Variants in KDM4A observed in about 807,000 individuals in gnomAD.
KDM4A encodes lysine demethylase 4A, also known as lysine-specific demethylase 4A.
A neutral mutation model predicts 127.1 loss-of-function variants in KDM4A; 23 were observed. The observed-to-expected ratio is 0.18, with a 90% CI of 0.13 to 0.26. The LOEUF is 0.26. KDM4A is among the 10% of genes least tolerant of loss of function. The probability of loss-of-function intolerance (pLI) is 1.00; values close to 1 mark genes in which losing one functional copy is unlikely to be tolerated. For missense variants in KDM4A, 890 were observed against 1,329.1 expected (o/e 0.67, Z 5.14); for synonymous variants, 443 against 466.5 (o/e 0.95, Z 0.65).
intron 3 of KDM4A, among the ~76,000 whole-genome samples, chr1:43,657,705 A>G (rs1423222780): frequency 6.6e-6 from 1 of 151,058 alleles, no homozygotes; most frequent in Non-Finnish European, 1.5e-5. Context: ...CAGGGGCTTC[A>G]GTCTCCTCAG....
At chr1:43,655,492 A>T in intron 2 of KDM4A, 99 bp from the exon 3 acceptor site, 1 of 1,033,864 alleles carries the variant, frequency 9.7e-7, no homozygotes, top group Non-Finnish European at 1.4e-6. Context: ...CTGTCTAGTA[A>T]AATTGACTGT....
rs1570806794 is a variant in KDM4A at position 43,653,514 on chromosome 1, G to T, written c.138+201G>T. ...TTTTAGGTAGGAAGAGAGCTACTTGGAATCTTCAGAAAGGGGGAGGTAAAG... is the reference window on the plus strand; with the variant it reads ...TTTTAGGTAGGAAGAGAGCTACTTGTAATCTTCAGAAAGGGGGAGGTAAAG... On this transcript the variant is annotated intron_variant, in intron 2 of 21. Transcript: ENST00000372396. The T allele has an allele frequency of 2.6e-5, 11 of 419,876 alleles. No individual in the cohort carries two copies. The East Asian group carries it at 4.5e-4, about 17-fold the overall frequency. 26.0% of individuals were successfully genotyped at this position (419,876 alleles called of 1,614,324 possible). A position where few individuals can be genotyped will look rare whatever the true frequency, so the allele number is the denominator to read the frequency against.
intron 14 of KDM4A, among the ~76,000 whole-genome samples, 177 bp from the exon 15 acceptor site, chr1:43,691,319 T>A (rs372360553): frequency 2.6e-5 from 4 of 152,350 alleles, no homozygotes; most frequent in African/African-American, 9.6e-5. Context: ...TTTTGACTTT[T>A]TGAGACTTTG....
Position 43,704,387 on chromosome 1 carries a change from AG to A in KDM4A, c.*20del. 2 of 1,608,864 alleles carry A rather than the reference AG, an allele frequency of 1.2e-6. No homozygotes were observed. Among genetic ancestry groups the A allele is most frequent in the Middle Eastern group, 1.7e-4 (1 of 6,022 alleles). ...ATGGAGTAGGTGCTTCCAGGGTCCA[AG>A]GGATTCTCAGCCATCCAGGCAAGAG... On this transcript the variant is annotated 3_prime_UTR_variant, in exon 22 of 22. Coordinates refer to ENST00000372396, the MANE Select transcript of KDM4A (RefSeq NM_014663.3).
chr1:43,661,507 G>A (rs953121907), intron 4 of KDM4A, among the ~76,000 whole-genome samples: 1 of 148,512 alleles, frequency 6.7e-6, no homozygotes, highest in African/African-American at 2.5e-5. Flanking sequence ...TCTGGAGGCT[G>A]AGGCAGGAGA....
intron 11 of KDM4A, among the ~76,000 whole-genome samples, chr1:43,676,529 C>T (rs1660745955): frequency 6.6e-6 from 1 of 152,036 alleles, no homozygotes; most frequent in Non-Finnish European, 1.5e-5. Flanking sequence ...CCATCTTGGC[C>T]AGGCTGGTCT....
intron 13 of KDM4A, 171 bp from the exon 14 acceptor site, chr1:43,690,674 G>C: frequency 1.5e-6 from 1 of 681,464 alleles, no homozygotes; most frequent in Non-Finnish European, 2.6e-6. Context: ...AACTGAATTT[G>C]AGTCATTACA....
Position 43,653,199 on chromosome 1 carries a change from G to A in KDM4A, c.24G>A (p.Leu8=). MASESET[L]NPSARIMTFY... ...AAATGGCTTCTGAGTCTGAAACTCTGAATCCCAGTGCTAGGATAATGACCT... is the reference window on the plus strand; with the variant it reads ...AAATGGCTTCTGAGTCTGAAACTCTAAATCCCAGTGCTAGGATAATGACCT... The change falls in exon 2 of 22, where the codon CTG becomes CTA. Residue 8 remains leucine, a synonymous_variant. Coordinates refer to ENST00000372396, the MANE Select transcript of KDM4A (RefSeq NM_014663.3). 4 of 1,612,562 alleles carry A rather than the reference G, an allele frequency of 2.5e-6. No homozygotes were observed. Among genetic ancestry groups the A allele is most frequent in the Non-Finnish European group, 3.4e-6 (4 of 1,179,226 alleles).
At chr1:43,665,647 T>C in intron 5 of KDM4A, 49 bp from the exon 6 acceptor site, 1 of 1,588,416 alleles carries the variant, frequency 6.3e-7, no homozygotes, top group Non-Finnish European at 8.6e-7. Flanking sequence ...GTCCCTTAGC[T>C]TCTGTACCTG....
intron 11 of KDM4A, 62 bp from the exon 12 acceptor site, chr1:43,683,622 G>A (rs1660906527): frequency 6.4e-7 from 1 of 1,559,004 alleles, no homozygotes; most frequent in Admixed American, 1.9e-5. Flanking sequence ...TCATTGTAAG[G>A]GTGACTTGTG....
chr1:43,704,382 G>T lies in KDM4A; in HGVS notation c.*12G>T, dbSNP rs376641133. 84 of 1,609,508 alleles carry T rather than the reference G, an allele frequency of 5.2e-5. No individual in the cohort carries two copies. In the African/African-American group the frequency reaches 9.9e-4, roughly 19 times the overall value. ...CCATCATGGAGTAGGTGCTTCCAGG[G>T]TCCAAGGGATTCTCAGCCATCCAGG... On this transcript the variant is annotated 3_prime_UTR_variant, in exon 22 of 22. Coordinates refer to ENST00000372396, the MANE Select transcript of KDM4A (RefSeq NM_014663.3).
chr1:43,667,240 G>A, intron 8 of KDM4A, 149 bp downstream of exon 8: 1 of 875,128 alleles, frequency 1.1e-6, no homozygotes, highest in Non-Finnish European at 1.7e-6. Flanking sequence ...AACATTTTGT[G>A]TTCATAAGGA....
Position 43,690,567 on chromosome 1 carries a change from C to T in KDM4A, c.2038-278C>T. ...CTGGCCTCTCAGTGCATTTTATTAA[C>T]CACTTTCTTTGGGAAGATTGAAATC... On this transcript the variant is annotated intron_variant, in intron 13 of 21. Transcript: ENST00000372396. 8.2e-6 allele frequency: 4 copies of T among 489,990 alleles called. No homozygotes were observed. In the Middle Eastern group the frequency reaches 1.8e-3, roughly 216 times the overall value. The allele number at this position is 489,990 out of a possible 1,614,324, so 30.4% of individuals were successfully genotyped here.
At chr1:43,700,325 T>C (rs1661356722) in intron 19 of KDM4A, among the ~76,000 whole-genome samples, 1 of 151,292 alleles carries the variant, frequency 6.6e-6, no homozygotes, top group South Asian at 2.1e-4. Flanking sequence ...GATGGAGTTT[T>C]GCCTTGTTGC....
Position 43,704,265 on chromosome 1 carries a change from C to T in KDM4A, c.3090C>T (p.Phe1030=). ...CAGACATGCGCTTCAATGAGATTTTCACAGAGAAAGAGGTTAAGCAAGAAA... is the reference window on the plus strand; with the variant it reads ...CAGACATGCGCTTCAATGAGATTTTTACAGAGAAAGAGGTTAAGCAAGAAA... ...VASDMRFNEI[F]TEKEVKQEKK... is the part of the protein sequence containing the mutation. The change falls in exon 22 of 22, where the codon TTC becomes TTT. Residue 1030 remains phenylalanine, a synonymous_variant. Transcript: ENST00000372396. The T allele has an allele frequency of 1.2e-6, 2 of 1,614,108 alleles. No individual in the cohort carries two copies. Among genetic ancestry groups the T allele is most frequent in the Non-Finnish European group, 1.7e-6 (2 of 1,180,040 alleles).
At position 43,692,292 on chromosome 1, in the gene KDM4A, C is replaced by G; in HGVS notation, c.2356C>G (p.Gln786Glu). The change falls in exon 16 of 22, where the codon CAG (glutamine) becomes GAG (glutamate). Residue 786 changes from glutamine to glutamate, a missense_variant. Physicochemically the swap from Gln to Glu is conservative, Grantham distance 29. Transcript: ENST00000372396. The stretch of plus-strand genomic sequence containing the variant: ...ATGCTCATTACGAGGAGGGGCCCTG[C>G]AGAGAGCAAATGATGACAGGTAAGT... ...CLCSLRGGAL[Q>E]RANDDRWVHV... 1 of 1,614,126 alleles carries G rather than the reference C, an allele frequency of 6.2e-7. No individual in the cohort carries two copies. The highest frequency in any genetic ancestry group is 1.1e-5 in the South Asian group (1 of 91,076).
intron 11 of KDM4A, among the ~76,000 whole-genome samples, chr1:43,672,152 C>T (rs1233614786): frequency 6.6e-6 from 1 of 151,936 alleles, no homozygotes; most frequent in Non-Finnish European, 1.5e-5. Flanking sequence ...GCCTGAGTCA[C>T]AGCAGCAGAT....
intron 10 of KDM4A, among the ~76,000 whole-genome samples, chr1:43,670,310 T>C (rs1442654814): frequency 6.6e-6 from 1 of 152,174 alleles, no homozygotes; most frequent in Non-Finnish European, 1.5e-5. Context: ...TGGGCTGGCT[T>C]CTCTTCAGCA....
chr1:43,671,145 C>T (rs975368247), intron 10 of KDM4A, among the ~76,000 whole-genome samples: 1 of 152,208 alleles, frequency 6.6e-6, no homozygotes, highest in African/African-American at 2.4e-5. Flanking sequence ...TTTAGATTTT[C>T]TAGCATGGGC....
Sources: gnomAD v4.1 joint callset for allele counts (sites outside exome capture counted in the v4.1 genomes callset) on GRCh38, gnomAD v4.1.1 for gene constraint, MANE v1.5 for transcripts, NCBI Gene and HGNC (gene_info 2026-07-23, HGNC 2026-07-21) for gene names.